PLGRKT: variants seen among roughly 807,000 people sequenced by gnomAD.
PLGRKT encodes plasminogen receptor (KT).
A neutral mutation model predicts 18.5 loss-of-function variants in PLGRKT; 22 were observed. The ratio of observed to expected loss-of-function variants is 1.19; its 90% CI spans 0.85 to 1.70. The LOEUF (loss-of-function observed/expected upper bound fraction) is 1.70, where lower values mean the gene tolerates loss of function less well. Ranked by LOEUF, PLGRKT falls within the 40% of genes most tolerant of loss-of-function variation. The pLI is 0.00. For synonymous variants in PLGRKT, 72 were observed against 52.8 expected (o/e 1.36, Z -1.58); for missense variants, 235 against 174.4 (o/e 1.35, Z -1.96).
At chr9:5,427,351 T>C (rs977123113) in intron 3 of PLGRKT, among the ~76,000 whole-genome samples, 1 of 152,108 alleles carries the variant, frequency 6.6e-6, no homozygotes, top group African/African-American at 2.4e-5. Flanking sequence ...ATGCTGGCAA[T>C]TTGGATATAC....
At chr9:5,422,166 A>G (rs1042831291) in intron 3 of PLGRKT, among the ~76,000 whole-genome samples, 1 of 152,326 alleles carries the variant, frequency 6.6e-6, no homozygotes, top group East Asian at 1.9e-4. Flanking sequence ...GAAGTCACAG[A>G]TGTAGGCAAT....
At chr9:5,370,838 T>G (rs1446054445) in intron 3 of PLGRKT, among the ~76,000 whole-genome samples, 1 of 152,236 alleles carries the variant, frequency 6.6e-6, no homozygotes, top group African/African-American at 2.4e-5. Flanking sequence ...GCAAGTGGCA[T>G]TTAACCTTAA....
rs550879314 is a variant in PLGRKT, at chr9:5,399,793, C to G, written c.81+32104G>C. ...TCACTGGAAGTCAGGAGTTTGAGACCAGCCTGGCCAACATGGCTAAACTAC... is the reference window on the plus strand; with the variant it reads ...TCACTGGAAGTCAGGAGTTTGAGACGAGCCTGGCCAACATGGCTAAACTAC... On this transcript the variant is annotated intron_variant, in intron 3 of 5. Transcript: ENST00000223864. Among the ~76,000 whole-genome samples, 27 of 151,690 alleles carry G rather than the reference C, an allele frequency of 1.8e-4. 1 individual carries two copies. Among genetic ancestry groups the G allele is most frequent in the Middle Eastern group, 6.8e-3 (2 of 294 alleles).
intron 3 of PLGRKT, among the ~76,000 whole-genome samples, chr9:5,373,164 C>G (rs564302847): frequency 1.3e-5 from 2 of 152,260 alleles, no homozygotes; most frequent in African/African-American, 2.4e-5. Context: ...TAGACTGACC[C>G]AAATTATTCC....
At chr9:5,430,235 G>A (rs1013800242) in intron 3 of PLGRKT, among the ~76,000 whole-genome samples, 1 of 152,164 alleles carries the variant, frequency 6.6e-6, no homozygotes, top group African/African-American at 2.4e-5. Flanking sequence ...TGCAAGTAGG[G>A]TAAAATCCCA....
intron 3 of PLGRKT, among the ~76,000 whole-genome samples, chr9:5,364,270 G>A (rs959925659): frequency 4.6e-5 from 7 of 152,102 alleles, no homozygotes; most frequent in South Asian, 4.1e-4. Context: ...ACTGAGAACC[G>A]TCACCTGAAA....
intron 3 of PLGRKT, among the ~76,000 whole-genome samples, chr9:5,424,691 T>TATATATATATATATATATATATACAC (rs201541927): frequency 1.4e-4 from 10 of 70,494 alleles, no homozygotes; most frequent in African/African-American, 6.1e-4. Flanking sequence ...TATATATATA[T>TATATATATATATATATATATATACAC]ACACACAGGG....
At chr9:5,414,577 A>G (rs527662455) in intron 3 of PLGRKT, among the ~76,000 whole-genome samples, 1 of 152,362 alleles carries the variant, frequency 6.6e-6, no homozygotes, top group Admixed American at 6.5e-5. Flanking sequence ...ATTATAACAA[A>G]TAAATCCAAC....
At chr9:5,435,393 C>T (rs1037507486) in intron 2 of PLGRKT, among the ~76,000 whole-genome samples, 3 of 151,654 alleles carry the variant, frequency 2.0e-5, no homozygotes, top group African/African-American at 7.3e-5. Context: ...CCTGTCATCC[C>T]ACCACAATCC....
intron 3 of PLGRKT, among the ~76,000 whole-genome samples, chr9:5,371,532 T>G (rs1015124466): frequency 6.6e-6 from 1 of 152,194 alleles, no homozygotes; most frequent in Non-Finnish European, 1.5e-5. Flanking sequence ...AGGAAAGAAG[T>G]GCCTTTTGTC....
At chr9:5,425,491 GCTTA>G (rs1818680147) in intron 3 of PLGRKT, among the ~76,000 whole-genome samples, 1 of 152,046 alleles carries the variant, frequency 6.6e-6, no homozygotes, top group Non-Finnish European at 1.5e-5. Context: ...TTCCTGATTG[GCTTA>G]CTATTAATTG....
intron 3 of PLGRKT, among the ~76,000 whole-genome samples, chr9:5,380,259 G>C (rs996666444): frequency 1.3e-5 from 2 of 151,704 alleles, no homozygotes; most frequent in African/African-American, 4.8e-5. Flanking sequence ...CAGCTACTCG[G>C]GAGGCTGAGG....
intron 3 of PLGRKT, among the ~76,000 whole-genome samples, chr9:5,397,219 G>C (rs1818067077): frequency 6.6e-6 from 1 of 151,810 alleles, no homozygotes; most frequent in Admixed American, 6.6e-5. Context: ...ATGAGCTCAT[G>C]GACTTTCTTC....
chr9:5,429,151 C>T (rs1818764359), intron 3 of PLGRKT, among the ~76,000 whole-genome samples: 1 of 152,232 alleles, frequency 6.6e-6, no homozygotes, highest in African/African-American at 2.4e-5. Context: ...CTACCCACTA[C>T]ATACAAATGT....
chr9:5,432,483 A>T (rs1349129180), intron 2 of PLGRKT, among the ~76,000 whole-genome samples: 2 of 151,890 alleles, frequency 1.3e-5, no homozygotes, highest in African/African-American at 2.4e-5. Flanking sequence ...AAGAAGATTG[A>T]GCTCTCCCTC....
chr9:5,363,289 G>A (rs143883538), intron 3 of PLGRKT, among the ~76,000 whole-genome samples: 2 of 151,904 alleles, frequency 1.3e-5, no homozygotes, highest in East Asian at 2.0e-4. Flanking sequence ...ATGTGGCCAT[G>A]TTCCAGGCTG....
At chr9:5,369,083 C>A (rs1230004768) in intron 3 of PLGRKT, among the ~76,000 whole-genome samples, 2 of 152,140 alleles carry the variant, frequency 1.3e-5, no homozygotes, top group Non-Finnish European at 2.9e-5. Flanking sequence ...AAAGCAATAG[C>A]AACAAAAGCC....
intron 3 of PLGRKT, among the ~76,000 whole-genome samples, chr9:5,406,470 G>A (rs1355127130): frequency 6.6e-6 from 1 of 152,208 alleles, no homozygotes; most frequent in East Asian, 1.9e-4. Flanking sequence ...GGCAATGGAT[G>A]AAGCTGGAAG....
intron 5 of PLGRKT, among the ~76,000 whole-genome samples, chr9:5,360,392 T>C (rs1586695779): frequency 1.3e-5 from 2 of 152,346 alleles, no homozygotes; most frequent in African/African-American, 4.8e-5. Flanking sequence ...AGGATGGCTC[T>C]GTCATGGTAA....
Sources: gnomAD v4.1 joint callset for allele counts (sites outside exome capture counted in the v4.1 genomes callset) on GRCh38, gnomAD v4.1.1 for gene constraint, MANE v1.5 for transcripts, NCBI Gene and HGNC (gene_info 2026-07-23, HGNC 2026-07-21) for gene names.